Variants in MYO18B observed in about 807,000 individuals in gnomAD.
The protein encoded by MYO18B is unconventional myosin-XVIIIb.
Under a neutral mutation model 273.0 loss-of-function variants are expected in MYO18B, and 204 were observed. The ratio of observed to expected loss-of-function variants is 0.75; its 90% CI spans 0.67 to 0.84. The LOEUF is 0.84. Among genes scored for constraint, MYO18B ranks in the 40% least tolerant of loss-of-function variants. The pLI is 0.00. For missense variants in MYO18B, 3,212 were observed against 3,287.6 expected, an observed-to-expected ratio of 0.98 and a Z score of 0.56; for synonymous variants, 1,330 against 1,305.7, an observed-to-expected ratio of 1.02 and a Z score of -0.40.
At chr22:26,058,899 C>T in the MYO18B span, among the ~76,000 whole-genome samples, 4 of 152,132 alleles carry the variant, frequency 2.6e-5, no homozygotes, top group African/African-American at 9.7e-5. Flanking sequence ...TATAGCAACA[C>T]TAAATGGACT....
At chr22:25,831,850 A>G (rs143652175) in intron 15 of MYO18B, among the ~76,000 whole-genome samples, 3,350 of 152,358 alleles carry the variant, frequency 0.022, 52 homozygotes, top group Non-Finnish European at 0.033. Context: ...GACACGCTGC[A>G]TGATGAGCAG....
chr22:25,854,266 G>A (rs774934693), intron 21 of MYO18B, among the ~76,000 whole-genome samples: 46 of 152,020 alleles, frequency 3.0e-4, no homozygotes, highest in Admixed American at 7.8e-4. Flanking sequence ...AACAAAAATA[G>A]CATATGTCTT....
At chr22:25,870,037 A>G (rs984452986) in intron 22 of MYO18B, among the ~76,000 whole-genome samples, 1 of 152,148 alleles carries the variant, frequency 6.6e-6, no homozygotes, top group South Asian at 2.1e-4. Context: ...TGAGATATCA[A>G]GTGTGTTCCT....
At chr22:25,993,067 C>T (rs1010349595) in intron 40 of MYO18B, among the ~76,000 whole-genome samples, 7 of 152,140 alleles carry the variant, frequency 4.6e-5, no homozygotes, top group African/African-American at 9.7e-5. Flanking sequence ...TGGTAATTAG[C>T]GAGACCACCC....
At chr22:25,795,823 A>G (rs998176356) in intron 11 of MYO18B, among the ~76,000 whole-genome samples, 1 of 152,134 alleles carries the variant, frequency 6.6e-6, no homozygotes, top group Non-Finnish European at 1.5e-5. Flanking sequence ...GATTCTTGCA[A>G]GTTTCCCAGT....
chr22:26,042,331 G>A, the MYO18B span, among the ~76,000 whole-genome samples: 2 of 152,322 alleles, frequency 1.3e-5, no homozygotes, highest in African/African-American at 4.8e-5. Context: ...AGCACAGCAC[G>A]GAACATGACG....
chr22:25,894,489 A>G (rs1015880763), intron 27 of MYO18B, among the ~76,000 whole-genome samples: 1 of 152,252 alleles, frequency 6.6e-6, no homozygotes, highest in African/African-American at 2.4e-5. Flanking sequence ...CTAATCAGTC[A>G]AACAGTTTTA....
intron 6 of MYO18B, 59 bp from the exon 7 acceptor site, chr22:25,772,275 G>A (rs138377965): frequency 0.031 from 46,419 of 1,491,710 alleles, 838 homozygotes; most frequent in Non-Finnish European, 0.036. Flanking sequence ...GGGGTGGGGT[G>A]GGGGCAGGGG....
chr22:25,843,917 A>G, intron 18 of MYO18B, 23 bp downstream of exon 18: 4 of 1,591,050 alleles, frequency 2.5e-6, no homozygotes, highest in South Asian at 1.1e-5. Flanking sequence ...AGGGTTGGGG[A>G]CGGGGATGGA....
intron 2 of MYO18B, among the ~76,000 whole-genome samples, chr22:25,761,743 C>T (rs2086326522): frequency 6.6e-6 from 1 of 152,164 alleles, no homozygotes; most frequent in South Asian, 2.1e-4. Flanking sequence ...TTTCTGGCTG[C>T]CTCCTGCCTG....
chr22:25,849,191 G>T (rs767826357), intron 20 of MYO18B, among the ~76,000 whole-genome samples: 1 of 152,220 alleles, frequency 6.6e-6, no homozygotes, highest in South Asian at 2.1e-4. Flanking sequence ...TAGAATGCCT[G>T]TGCGCACGCA....
chr22:25,838,817 GTGTA>G (rs1218979408), intron 17 of MYO18B, among the ~76,000 whole-genome samples: 1 of 152,162 alleles, frequency 6.6e-6, no homozygotes, highest in African/African-American at 2.4e-5. Context: ...GTATGTGTGT[GTGTA>G]TGTGTGTATG....
At chr22:26,000,321 C>T (rs1933831758) in intron 40 of MYO18B, among the ~76,000 whole-genome samples, 1 of 152,184 alleles carries the variant, frequency 6.6e-6, no homozygotes, top group African/African-American at 2.4e-5. Context: ...CAGCCATCCT[C>T]TGATTGGAGT....
chr22:25,963,167 C>CTCTG (rs1480297063), intron 39 of MYO18B, among the ~76,000 whole-genome samples: 1 of 147,702 alleles, frequency 6.8e-6, no homozygotes, highest in Non-Finnish European at 1.5e-5. Context: ...TCTCCTCTCT[C>CTCTG]TCTCTCTCTC....
chr22:25,831,738 C>T (rs2089715149), intron 15 of MYO18B, among the ~76,000 whole-genome samples: 2 of 152,152 alleles, frequency 1.3e-5, no homozygotes. Flanking sequence ...TTGTTACTTC[C>T]AGCACCGAAC....
chr22:25,937,918 G>A (rs897054054), intron 34 of MYO18B, among the ~76,000 whole-genome samples: 1 of 152,122 alleles, frequency 6.6e-6, no homozygotes, highest in Non-Finnish European at 1.5e-5. Context: ...TAACAATTTT[G>A]TTTGATGTTA....
chr22:26,042,458 G>A, the MYO18B span, among the ~76,000 whole-genome samples: 1 of 152,230 alleles, frequency 6.6e-6, no homozygotes, highest in Non-Finnish European at 1.5e-5. Flanking sequence ...GCCCAGTGGA[G>A]CCATTCTGTC....
At chr22:26,014,354 T>C (rs1373192484) in intron 42 of MYO18B, among the ~76,000 whole-genome samples, 1 of 152,246 alleles carries the variant, frequency 6.6e-6, no homozygotes, top group Non-Finnish European at 1.5e-5. Context: ...ATTTCACTTT[T>C]CTATGTGTCC....
At chr22:26,045,493 G>C in the MYO18B span, among the ~76,000 whole-genome samples, 1 of 152,188 alleles carries the variant, frequency 6.6e-6, no homozygotes, top group Non-Finnish European at 1.5e-5. Context: ...CTAAGATCAT[G>C]ATCATATTGG....
Sources: allele counts gnomAD v4.1 joint callset (sites outside exome capture counted in the v4.1 genomes callset), GRCh38; gene constraint gnomAD v4.1.1; transcripts MANE v1.5; gene names NCBI Gene and HGNC (gene_info 2026-07-23, HGNC 2026-07-21).